Variants in NALF1 observed in about 807,000 individuals in gnomAD.
NALF1 encodes the protein NALCN channel auxiliary factor 1, also known as family with sequence similarity 155 member A.
Under a neutral mutation model 48.4 loss-of-function variants are expected in NALF1, and 3 were observed. That is an observed-to-expected ratio of 0.06 (90% confidence interval 0.03 to 0.16). NALF1 has a LOEUF of 0.16. NALF1 is among the 10% of genes least tolerant of loss of function. The pLI, the probability that NALF1 is intolerant of heterozygous loss-of-function variation, is 1.00. For missense variants in NALF1, 526 were observed against 571.5 expected (o/e 0.92, Z 0.81); for synonymous variants, 262 against 245.7 (o/e 1.07, Z -0.62).
intron 1 of NALF1, among the ~76,000 whole-genome samples, chr13:107,727,022 G>C (rs1018588850): frequency 1.3e-5 from 2 of 150,962 alleles, no homozygotes; most frequent in African/African-American, 4.9e-5. Context: ...ATGTTGGTCA[G>C]GCTGGTCTCG....
intron 1 of NALF1, among the ~76,000 whole-genome samples, chr13:107,299,180 T>A (rs1020902004): frequency 6.6e-6 from 1 of 152,142 alleles, no homozygotes; most frequent in South Asian, 2.1e-4. Context: ...CAGCAGTGAA[T>A]GTTGTCCTTC....
chr13:107,364,133 A>G (rs752573671), intron 1 of NALF1, among the ~76,000 whole-genome samples: 4 of 152,224 alleles, frequency 2.6e-5, no homozygotes, highest in Admixed American at 1.3e-4. Context: ...GTACTGTTTT[A>G]AAGTATCTTC....
chr13:107,753,159 T>C (rs368026059), intron 1 of NALF1, among the ~76,000 whole-genome samples: 32 of 152,360 alleles, frequency 2.1e-4, no homozygotes, highest in African/African-American at 7.7e-4. Context: ...GGTTTGGCCA[T>C]CTGCCCTTTG....
rs1436473113 is a variant in NALF1 at position 107,646,129 on chromosome 13, T to C, written c.915+219553A>G. Among the ~76,000 whole-genome samples, 3 of 152,086 alleles carry C rather than the reference T, an allele frequency of 2.0e-5. No individual in the cohort carries two copies. The East Asian group carries it at 5.8e-4, about 29-fold the overall frequency. On this transcript the variant is annotated intron_variant, in intron 1 of 2. Transcript: ENST00000375915. ...AGCACTGAGAGTTTTACACATCTTTTAAAATTGCATCTAACGTTTCTAGAT... is the reference window on the plus strand; with the variant it reads ...AGCACTGAGAGTTTTACACATCTTTCAAAATTGCATCTAACGTTTCTAGAT...
chr13:107,356,054 C>T (rs866466145), intron 1 of NALF1, among the ~76,000 whole-genome samples: 18 of 152,118 alleles, frequency 1.2e-4, no homozygotes, highest in African/African-American at 4.1e-4. Context: ...TTTCTTAAAG[C>T]CTGTGAGTTG....
At chr13:107,746,032 T>G (rs182642572) in intron 1 of NALF1, among the ~76,000 whole-genome samples, 16 of 152,272 alleles carry the variant, frequency 1.1e-4, no homozygotes, top group African/African-American at 3.9e-4. Context: ...TTCCTCGGAG[T>G]GTTGTTTCTC....
At chr13:107,759,768 C>T (rs950142482) in intron 1 of NALF1, among the ~76,000 whole-genome samples, 2 of 147,250 alleles carry the variant, frequency 1.4e-5, no homozygotes, top group African/African-American at 5.0e-5. Flanking sequence ...ATTTACTTTG[C>T]TTTTTTTTTT....
chr13:107,418,706 C>G (rs1003347660), intron 1 of NALF1, among the ~76,000 whole-genome samples: 1 of 152,020 alleles, frequency 6.6e-6, no homozygotes, highest in Non-Finnish European at 1.5e-5. Context: ...CCTCTCTCAC[C>G]CTCCCCACTC....
At chr13:107,759,772 T>C (rs1381222209) in intron 1 of NALF1, among the ~76,000 whole-genome samples, 1 of 152,024 alleles carries the variant, frequency 6.6e-6, no homozygotes, top group African/African-American at 2.4e-5. Context: ...ACTTTGCTTT[T>C]TTTTTTTCTG....
intron 1 of NALF1, among the ~76,000 whole-genome samples, chr13:107,633,001 G>A (rs1282127502): frequency 6.6e-6 from 1 of 151,776 alleles, no homozygotes; most frequent in Non-Finnish European, 1.5e-5. Context: ...GGATTAGCAT[G>A]CAAAGTAAGA....
chr13:107,329,359 T>C (rs1028950840), intron 1 of NALF1, among the ~76,000 whole-genome samples: 1 of 152,170 alleles, frequency 6.6e-6, no homozygotes, highest in Non-Finnish European at 1.5e-5. Context: ...AGGAGCACTC[T>C]ACCTAAGTCA....
At chr13:107,370,992 T>C (rs7330338) in intron 1 of NALF1, among the ~76,000 whole-genome samples, 88,970 of 152,006 alleles carry the variant, frequency 0.59, 26,483 homozygotes, top group East Asian at 0.74. Context: ...CCTCCCACAA[T>C]GCATGAGGAT....
chr13:107,866,394 C>A lies in NALF1; in HGVS notation c.203G>T (p.Arg68Leu). The change falls in exon 1 of 3, where the codon CGG (arginine) becomes CTG (leucine). Residue 68 changes from arginine (R) to leucine (L), a missense_variant. By Grantham distance (102) the Arg-to-Leu change is moderately radical. Coordinates refer to ENST00000375915, the MANE Select transcript of NALF1 (RefSeq NM_001080396.3). The surrounding 1 kb of genome is among the most constrained non-coding windows in gnomAD (Gnocchi z 4.4). ...FCAEAKLTRARDKEHQQQQRQ... is the reference protein window; with the variant it reads ...FCAEAKLTRALDKEHQQQQRQ... ...CTGCTGCTGCTGGTGCTCCTTGTCC[C>A]GGGCCCGGGTCAGCTTGGCCTCGGC... 1 of 1,613,762 alleles carries A rather than the reference C, an allele frequency of 6.2e-7. No individual in the cohort carries two copies. Among genetic ancestry groups the A allele is most frequent in the Non-Finnish European group, 8.5e-7 (1 of 1,179,992 alleles).
intron 1 of NALF1, among the ~76,000 whole-genome samples, chr13:107,298,855 A>G (rs1294102325): frequency 6.6e-6 from 1 of 152,224 alleles, no homozygotes; most frequent in Non-Finnish European, 1.5e-5. Context: ...AACAACTTAC[A>G]TAACTACAAT....
At chr13:107,722,941 A>G (rs1443745782) in intron 1 of NALF1, among the ~76,000 whole-genome samples, 1 of 152,220 alleles carries the variant, frequency 6.6e-6, no homozygotes, top group East Asian at 1.9e-4. Flanking sequence ...CCTAAACAGA[A>G]GCTATCATGA....
intron 1 of NALF1, among the ~76,000 whole-genome samples, chr13:107,252,175 A>G (rs1880715275): frequency 6.6e-6 from 1 of 152,174 alleles, no homozygotes; most frequent in Admixed American, 6.5e-5. Context: ...CCCACCTCCA[A>G]GCCCAGTCAC....
At chr13:107,393,012 A>G (rs956706579) in intron 1 of NALF1, among the ~76,000 whole-genome samples, 2 of 152,144 alleles carry the variant, frequency 1.3e-5, no homozygotes, top group Non-Finnish European at 2.9e-5. Context: ...CTAAGGAGAT[A>G]AATAATGGCT....
At chr13:107,500,646 C>T (rs1455936117) in intron 1 of NALF1, among the ~76,000 whole-genome samples, 1 of 150,996 alleles carries the variant, frequency 6.6e-6, no homozygotes, top group Non-Finnish European at 1.5e-5. Flanking sequence ...TATAAAGACA[C>T]ATGCACACGT....
At chr13:107,818,669 G>A (rs994530969) in intron 1 of NALF1, among the ~76,000 whole-genome samples, 6 of 148,640 alleles carry the variant, frequency 4.0e-5, no homozygotes, top group Non-Finnish European at 5.9e-5. Context: ...TCAGGAGATC[G>A]AGACCATCCT....
Sources: allele counts gnomAD v4.1 joint callset (sites outside exome capture counted in the v4.1 genomes callset), GRCh38; gene constraint gnomAD v4.1.1; non-coding constraint Gnocchi (gnomAD v3.1); transcripts MANE v1.5; gene names NCBI Gene and HGNC (gene_info 2026-07-23, HGNC 2026-07-21).